Variants in SUGCT observed in about 807,000 individuals in gnomAD.
The protein encoded by SUGCT is succinyl-CoA:glutarate-CoA transferase.
A neutral mutation model predicts 55.0 loss-of-function variants in SUGCT; 41 were observed. The ratio of observed to expected loss-of-function variants is 0.74; its 90% CI spans 0.58 to 0.97. SUGCT has a LOEUF of 0.97. Among genes scored for constraint, SUGCT ranks in the 50% least tolerant of loss-of-function variants. The pLI is 0.00. For missense variants in SUGCT, 568 were observed against 547.8 expected (o/e 1.04, Z -0.37); for synonymous variants, 187 against 200.4 (o/e 0.93, Z 0.56).
chr7:40,245,434 T>TC (rs776072413), intron 7 of SUGCT, among the ~76,000 whole-genome samples: 1 of 53,486 alleles, frequency 1.9e-5, no homozygotes, highest in Non-Finnish European at 3.5e-5. Context: ...TTTTTTTTTT[T>TC]TTTTTTTTTT....
Position 40,135,116 on chromosome 7 carries a change from G to C in SUGCT, c.96G>C (p.Gln32His). 6.4e-7 allele frequency: 1 copy of C among 1,553,292 alleles called. No homozygotes were observed. Among genetic ancestry groups the C allele is most frequent in the Non-Finnish European group, 8.7e-7 (1 of 1,149,674 alleles). ...GGGGGCTGTGGACTGGCCGCCCGCA[G>C]TCAGGTACCCTCCGAGATTCGGTCT... ...GGRGLWTGRP[Q>H]SDMNNIKPLE... The change falls in exon 1 of 14, where the codon CAG (glutamine) becomes CAC (histidine). Residue 32 changes from glutamine to histidine, a missense_variant. Coordinates refer to ENST00000335693, the MANE Select transcript of SUGCT (RefSeq NM_001193313.2).
the SUGCT span, among the ~76,000 whole-genome samples, chr7:41,004,326 A>G: frequency 1.3e-5 from 2 of 152,244 alleles, no homozygotes; most frequent in African/African-American, 2.4e-5. Context: ...TCATTTATTC[A>G]TAAATTGAAT....
intron 13 of SUGCT, among the ~76,000 whole-genome samples, chr7:40,828,475 TATTGGGGCTTC>T (rs1792469093): frequency 6.6e-6 from 1 of 151,878 alleles, no homozygotes; most frequent in East Asian, 1.9e-4. Context: ...AGAGCTGGCA[TATTGGGGCTTC>T]CAAAGCACCT....
At chr7:40,408,238 A>G (rs891882019) in intron 9 of SUGCT, among the ~76,000 whole-genome samples, 3 of 152,170 alleles carry the variant, frequency 2.0e-5, no homozygotes, top group Admixed American at 2.0e-4. Flanking sequence ...TGGAGCTACT[A>G]TTGAGAAAAT....
chr7:40,173,354 C>T (rs896536064), intron 1 of SUGCT, among the ~76,000 whole-genome samples: 8 of 152,188 alleles, frequency 5.3e-5, no homozygotes, highest in African/African-American at 1.2e-4. Flanking sequence ...AAGTCAGCGG[C>T]GGGTCTGCGA....
chr7:40,156,095 G>T (rs1286875708), intron 1 of SUGCT, among the ~76,000 whole-genome samples: 3 of 152,054 alleles, frequency 2.0e-5, no homozygotes, highest in Admixed American at 1.3e-4. Flanking sequence ...GACCTGAAGT[G>T]ATCCACCTGC....
At chr7:40,567,120 C>G (rs1390332487) in intron 12 of SUGCT, among the ~76,000 whole-genome samples, 1 of 152,200 alleles carries the variant, frequency 6.6e-6, no homozygotes, top group East Asian at 1.9e-4. Flanking sequence ...ACAGTTTGAT[C>G]TGGCGTAATA....
chr7:40,792,998 A>C (rs1203570), intron 13 of SUGCT, among the ~76,000 whole-genome samples: 94,507 of 152,026 alleles, frequency 0.62, 30,845 homozygotes, highest in African/African-American at 0.83. Flanking sequence ...TTAGATAGTT[A>C]TAATGCATAT....
At chr7:40,880,865 TTGGATATTGA>T in the SUGCT span, among the ~76,000 whole-genome samples, 1 of 152,080 alleles carries the variant, frequency 6.6e-6, no homozygotes, top group African/African-American at 2.4e-5. Flanking sequence ...CTAGAAGAGA[TTGGATATTGA>T]TGGAACCAGG....
At chr7:40,670,169 C>CA (rs34786531) in intron 12 of SUGCT, among the ~76,000 whole-genome samples, 2,385 of 57,816 alleles carry the variant, frequency 0.041, 103 homozygotes, top group African/African-American at 0.068. Context: ...GACTCCATCT[C>CA]AAAAAAAAAA....
At chr7:40,333,702 T>TATATATATAA (rs1554314138) in intron 9 of SUGCT, among the ~76,000 whole-genome samples, 5 of 108,734 alleles carry the variant, frequency 4.6e-5, no homozygotes, top group African/African-American at 1.8e-4. Context: ...TATATATATA[T>TATATATATAA]AAATATTTAT....
At chr7:41,003,967 A>G in the SUGCT span, among the ~76,000 whole-genome samples, 1 of 152,212 alleles carries the variant, frequency 6.6e-6, no homozygotes, top group East Asian at 1.9e-4. Context: ...GTATAGATAC[A>G]GTTAAAATAA....
At chr7:40,572,517 A>T (rs1796507739) in intron 12 of SUGCT, among the ~76,000 whole-genome samples, 1 of 152,032 alleles carries the variant, frequency 6.6e-6, no homozygotes, top group African/African-American at 2.4e-5. Flanking sequence ...GTGATATAAC[A>T]ATCCCTGAGC....
At chr7:40,508,886 C>T (rs138506400) in intron 12 of SUGCT, among the ~76,000 whole-genome samples, 1 of 152,248 alleles carries the variant, frequency 6.6e-6, no homozygotes, top group Non-Finnish European at 1.5e-5. Context: ...TATTCTCTTT[C>T]CAGTTATTTC....
chr7:40,802,483 G>A (rs191992594), intron 13 of SUGCT, among the ~76,000 whole-genome samples: 8 of 152,226 alleles, frequency 5.3e-5, no homozygotes, highest in Non-Finnish European at 1.0e-4. Flanking sequence ...TGTTCATTAT[G>A]GATAAGATTT....
At chr7:40,469,154 C>G (rs1296050133) in intron 11 of SUGCT, among the ~76,000 whole-genome samples, 2 of 152,188 alleles carry the variant, frequency 1.3e-5, no homozygotes, top group Non-Finnish European at 2.9e-5. Flanking sequence ...CATATGATCA[C>G]ATTTTAAAAT....
At chr7:40,879,384 C>T in the SUGCT span, among the ~76,000 whole-genome samples, 1 of 152,174 alleles carries the variant, frequency 6.6e-6, no homozygotes, top group African/African-American at 2.4e-5. Context: ...TATTCAGAAG[C>T]AAATCCAGGC....
intron 13 of SUGCT, among the ~76,000 whole-genome samples, chr7:40,833,753 C>G (rs1792816623): frequency 6.6e-6 from 1 of 151,992 alleles, no homozygotes; most frequent in Non-Finnish European, 1.5e-5. Context: ...TCTAAAACAT[C>G]CCAGCTGGAC....
chr7:40,540,028 A>T (rs1043377032), intron 12 of SUGCT, among the ~76,000 whole-genome samples: 5 of 152,242 alleles, frequency 3.3e-5, no homozygotes, highest in African/African-American at 1.2e-4. Flanking sequence ...GAACTCACAC[A>T]GAAATAAGTG....
Sources: gnomAD v4.1 joint callset for allele counts (sites outside exome capture counted in the v4.1 genomes callset) on GRCh38, gnomAD v4.1.1 for gene constraint, MANE v1.5 for transcripts, NCBI Gene and HGNC (gene_info 2026-07-23, HGNC 2026-07-21) for gene names.